The following CHN2 variants were observed in gnomAD, a reference collection of about 807,000 sequenced individuals.
CHN2 encodes the protein beta-chimaerin.
A neutral mutation model predicts 56.3 loss-of-function variants in CHN2; 35 were observed. The ratio of observed to expected loss-of-function variants is 0.62; its 90% CI spans 0.47 to 0.82. The LOEUF (loss-of-function observed/expected upper bound fraction) is 0.82, where lower values mean the gene tolerates loss of function less well. CHN2 is among the 40% of genes least tolerant of loss of function. CHN2 has a pLI of 0.00. For missense variants in CHN2, 491 were observed against 580.5 expected, an observed-to-expected ratio of 0.85 and a Z score of 1.58; for synonymous variants, 210 against 212.8, an observed-to-expected ratio of 0.99 and a Z score of 0.12.
intron 2 of CHN2, among the ~76,000 whole-genome samples, chr7:29,171,871 T>TA (rs1352717499): frequency 6.6e-5 from 10 of 152,236 alleles, no homozygotes; most frequent in Non-Finnish European, 1.2e-4. Flanking sequence ...ATATAGTTCT[T>TA]ACAAATGGAC....
intron 2 of CHN2, among the ~76,000 whole-genome samples, chr7:29,176,768 A>C (rs1797402796): frequency 6.6e-6 from 1 of 152,238 alleles, no homozygotes; most frequent in Non-Finnish European, 1.5e-5. Flanking sequence ...GGTGTTTAAA[A>C]AACGAGATTG....
At chr7:29,237,257 G>C (rs1278538593) in intron 1 of CHN2, among the ~76,000 whole-genome samples, 30 of 152,312 alleles carry the variant, frequency 2.0e-4, no homozygotes. Context: ...TCTCACACTT[G>C]GCTCAGTGGG....
At chr7:29,291,645 G>A (rs182579483) in intron 1 of CHN2, among the ~76,000 whole-genome samples, 1 of 152,098 alleles carries the variant, frequency 6.6e-6, no homozygotes, top group African/African-American at 2.4e-5. Context: ...GTCAACTATT[G>A]TTACGTATTT....
chr7:29,375,187 GC>G (rs1799961948), intron 3 of CHN2, among the ~76,000 whole-genome samples: 1 of 118,354 alleles, frequency 8.4e-6, no homozygotes, highest in Admixed American at 9.3e-5. Context: ...ACCGTGCTCG[GC>G]CCTTTTTTTT....
At chr7:29,373,117 C>A (rs1394740405) in intron 3 of CHN2, among the ~76,000 whole-genome samples, 1 of 151,882 alleles carries the variant, frequency 6.6e-6, no homozygotes, top group Non-Finnish European at 1.5e-5. Flanking sequence ...CATTCATGAT[C>A]AGAATCAGCT....
At chr7:29,485,380 C>T (rs1787839245) in intron 7 of CHN2, among the ~76,000 whole-genome samples, 1 of 152,158 alleles carries the variant, frequency 6.6e-6, no homozygotes, top group Admixed American at 6.5e-5. Context: ...CTCTGTGCAA[C>T]AGCGCAGGTC....
chr7:29,324,120 T>G (rs941439812), intron 1 of CHN2, among the ~76,000 whole-genome samples: 2 of 151,984 alleles, frequency 1.3e-5, no homozygotes, highest in Admixed American at 1.3e-4. Context: ...GTGGGGTTGG[T>G]GGGTCCATTG....
chr7:29,375,136 C>G, intron 3 of CHN2, among the ~76,000 whole-genome samples: 1 of 150,896 alleles, frequency 6.6e-6, no homozygotes, highest in Non-Finnish European at 1.5e-5. Flanking sequence ...GTGATCCACC[C>G]GCCTCAGCCT....
At chr7:29,158,738 CT>C (rs1468152821) in intron 2 of CHN2, among the ~76,000 whole-genome samples, 3 of 152,088 alleles carry the variant, frequency 2.0e-5, no homozygotes, top group African/African-American at 7.2e-5. Flanking sequence ...TTTGCTTGTT[CT>C]TTTTGGACTG....
intron 2 of CHN2, among the ~76,000 whole-genome samples, chr7:29,149,156 G>T (rs1312784073): frequency 7.1e-6 from 1 of 140,482 alleles, no homozygotes; most frequent in Non-Finnish European, 1.5e-5. Context: ...GACTGATGTT[G>T]TTCAAAATTA....
chr7:29,313,870 C>T (rs777217151), intron 1 of CHN2, among the ~76,000 whole-genome samples: 22 of 152,216 alleles, frequency 1.4e-4, no homozygotes, highest in Admixed American at 5.2e-4. Context: ...GATGCAAGAG[C>T]TCCTTGGAGT....
chr7:29,368,780 C>A (rs1161696459), intron 3 of CHN2, among the ~76,000 whole-genome samples: 1 of 152,116 alleles, frequency 6.6e-6, no homozygotes, highest in African/African-American at 2.4e-5. Flanking sequence ...GACTTAGGTA[C>A]CTGCATACCC....
intron 7 of CHN2, among the ~76,000 whole-genome samples, chr7:29,490,043 A>G (rs1264704622): frequency 6.6e-6 from 1 of 151,934 alleles, no homozygotes; most frequent in Non-Finnish European, 1.5e-5. Context: ...ACCCCAAGAT[A>G]TAGGGATATT....
intron 1 of CHN2, among the ~76,000 whole-genome samples, chr7:29,263,030 C>G (rs1266898622): frequency 3.9e-5 from 6 of 152,204 alleles, no homozygotes; most frequent in Admixed American, 3.9e-4. Context: ...TCCCCCTCCC[C>G]TTTGCACGGT....
At chr7:29,452,434 T>C (rs1266220079) in intron 6 of CHN2, among the ~76,000 whole-genome samples, 1 of 152,174 alleles carries the variant, frequency 6.6e-6, no homozygotes, top group Admixed American at 6.5e-5. Context: ...GCAGCTCACT[T>C]TCCTCACCCA....
At chr7:29,275,269 G>A (rs141371018) in intron 1 of CHN2, among the ~76,000 whole-genome samples, 13 of 152,216 alleles carry the variant, frequency 8.5e-5, no homozygotes, top group Admixed American at 7.8e-4. Context: ...TAATATTATT[G>A]GTGTCTCTGA....
At chr7:29,462,109 A>G (rs76132929) in intron 6 of CHN2, among the ~76,000 whole-genome samples, 1 of 152,238 alleles carries the variant, frequency 6.6e-6, no homozygotes, top group African/African-American at 2.4e-5. Flanking sequence ...CAGGAAGCCA[A>G]AATACAAATG....
At chr7:29,349,507 A>T (rs1797715333) in intron 1 of CHN2, among the ~76,000 whole-genome samples, 1 of 152,150 alleles carries the variant, frequency 6.6e-6, no homozygotes, top group Non-Finnish European at 1.5e-5. Flanking sequence ...TCTCATTTTC[A>T]TGACTAAATC....
At chr7:29,387,601 A>G (rs958932705) in intron 3 of CHN2, among the ~76,000 whole-genome samples, 30 of 152,230 alleles carry the variant, frequency 2.0e-4, no homozygotes, top group African/African-American at 7.0e-4. Context: ...AAATTCCAAG[A>G]TGATGCCAAT....
Sources: gnomAD v4.1 joint callset for allele counts (sites outside exome capture counted in the v4.1 genomes callset) on GRCh38, gnomAD v4.1.1 for gene constraint, MANE v1.5 for transcripts, NCBI Gene and HGNC (gene_info 2026-07-23, HGNC 2026-07-21) for gene names.